The following LTA4H variants were observed in gnomAD, a reference collection of about 807,000 sequenced individuals.
The protein encoded by LTA4H is leukotriene A4 hydrolase, also known as leukotriene A-4 hydrolase.
A neutral mutation model predicts 89.8 loss-of-function variants in LTA4H; 59 were observed. The ratio of observed to expected loss-of-function variants is 0.66; its 90% CI spans 0.53 to 0.82. LTA4H has a LOEUF of 0.82. Among genes scored for constraint, LTA4H ranks in the 40% least tolerant of loss-of-function variants. The pLI is 0.00. For synonymous variants in LTA4H, 227 were observed against 253.1 expected (o/e 0.90, Z 0.98); for missense variants, 617 against 727.0 (o/e 0.85, Z 1.74).
intron 1 of LTA4H, among the ~76,000 whole-genome samples, chr12:96,032,503 A>T (rs575734108): frequency 6.6e-6 from 1 of 152,228 alleles, no homozygotes; most frequent in Non-Finnish European, 1.5e-5. Context: ...GCTGAGATAC[A>T]AAGAGTTATG....
rs754759846 is a variant in LTA4H at position 96,001,061 on chromosome 12, G to C, written c.1764C>G (p.Thr588=). 19 of 1,614,070 alleles carry C rather than the reference G, an allele frequency of 1.2e-5. No individual in the cohort carries two copies. Among genetic ancestry groups the C allele is most frequent in the Non-Finnish European group, 1.5e-5 (18 of 1,180,010 alleles). ...FDKSHDQAVR[T]YQEHKASMHP... ...GCATGCTTGCTTTGTGCTCTTGGTA[G>C]GTTCGGACAGCTTGATCATGGGATT... The change falls in exon 19 of 19, where the codon ACC becomes ACG. Residue 588 remains threonine, a synonymous_variant. Coordinates refer to ENST00000228740, the MANE Select transcript of LTA4H (RefSeq NM_000895.3).
intron 6 of LTA4H, among the ~76,000 whole-genome samples, chr12:96,019,667 C>T (rs1489973594): frequency 6.7e-6 from 1 of 148,396 alleles, no homozygotes; most frequent in East Asian, 2.0e-4. Context: ...TCTTGGCTCA[C>T]TGCAAGCTCC....
Position 96,022,687 on chromosome 12 carries a change from A to C in LTA4H, c.481-436T>G, listed in dbSNP as rs1358856209. Among the ~76,000 whole-genome samples, 2 of 152,130 alleles carry C rather than the reference A, an allele frequency of 1.3e-5. No homozygotes were observed. Among genetic ancestry groups the C allele is most frequent in the African/African-American group, 2.4e-5 (1 of 41,422 alleles). On this transcript the variant is annotated intron_variant, in intron 4 of 18. Transcript: ENST00000228740. This position sits in a 1 kb window ranked among gnomAD's most constrained non-coding sequence, Gnocchi z 4.0. ...CTAACTGCACAAACTTGGGCAAATA[A>C]ATATAACCCCCGAGCCTCAGTTTCC...
At position 96,000,855 on chromosome 12, in the gene LTA4H, T is replaced by G. The variant is rs1336642147; in HGVS notation, c.*134A>C. ...TAAGAAGAAGTAGCTCAACTTTATT[T>G]CAGTAAAATCACCAACAAAACAATA... On this transcript the variant is annotated 3_prime_UTR_variant, in exon 19 of 19. Transcript: ENST00000228740. The G allele has an allele frequency of 6.6e-6, 4 of 602,994 alleles. No individual in the cohort carries two copies. The highest frequency in any genetic ancestry group is 1.2e-5 in the Non-Finnish European group (4 of 338,778). 37.4% of individuals were successfully genotyped at this position (602,994 alleles called of 1,614,324 possible).
At chr12:96,036,498 T>C (rs2136926384), upstream of LTA4H, among the ~76,000 whole-genome samples, 1 of 152,308 alleles carries the variant, frequency 6.6e-6, no homozygotes, top group Middle Eastern at 3.4e-3. Context: ...ATGGTCAGAC[T>C]CATGTTATAA....
intron 1 of LTA4H, chr12:96,043,254 AC>A: frequency 6.9e-7 from 1 of 1,452,988 alleles, no homozygotes; most frequent in Non-Finnish European, 9.3e-7. Flanking sequence ...ACTTGAAAGA[AC>A]CTCACATGCC....
In LTA4H at chr12:96,035,435, C is replaced by CCT; in HGVS notation, c.84_85insAG (p.Asp29ArgfsTer8). 6.2e-7 allele frequency: 1 copy of CCT among 1,610,148 alleles called. No individual in the cohort carries two copies. The highest frequency in any genetic ancestry group is 1.1e-5 in the South Asian group (1 of 90,218). On this transcript the variant is annotated frameshift_variant, in exon 1 of 19. Transcript: ENST00000228740. LOFTEE classifies it high-confidence loss of function. Reference sequence around the variant, plus strand: ...CCGGTCAGCGTCCGGCGAGTAAAGTCGACGCTGCAGCGCAGGTGCAGGTGC... The same window carrying CCT: ...CCGGTCAGCGTCCGGCGAGTAAAGTCCTGACGCTGCAGCGCAGGTGCAGGTGC...
chr12:96,003,542 G>T, intron 17 of LTA4H: 1 of 226,130 alleles, frequency 4.4e-6, no homozygotes, highest in Non-Finnish European at 8.5e-6. Context: ...TTTCAAAGTA[G>T]ATTTAGTTGG....
In LTA4H at chr12:96,022,956, T is replaced by A. The variant is rs999235353; in HGVS notation, c.481-705A>T. ...TTTAAAAGTAGTAACTGTGAAAAACTAAAATTTATTGCTAAAAACTGTCAA... is the reference window on the plus strand; with the variant it reads ...TTTAAAAGTAGTAACTGTGAAAAACAAAAATTTATTGCTAAAAACTGTCAA... On this transcript the variant is annotated intron_variant, in intron 4 of 18. Coordinates refer to ENST00000228740, the MANE Select transcript of LTA4H (RefSeq NM_000895.3). This position sits in a 1 kb window ranked among gnomAD's most constrained non-coding sequence, Gnocchi z 4.0. Among the ~76,000 whole-genome samples the A allele has an allele frequency of 5.9e-5, 9 of 152,230 alleles. No individual in the cohort carries two copies. The highest frequency in any genetic ancestry group is 5.9e-4 in the Admixed American group (9 of 15,288).
intron 1 of LTA4H, among the ~76,000 whole-genome samples, chr12:96,040,813 A>G (rs1431313474): frequency 1.3e-5 from 2 of 152,232 alleles, no homozygotes; most frequent in Admixed American, 6.5e-5. Flanking sequence ...AGGGAACTCA[A>G]TCTTTACTAA....
rs538590801 is a variant in LTA4H at position 96,041,117 on chromosome 12, T to A, written c.87+2172A>T. 7.2e-3 allele frequency among the ~76,000 whole-genome samples: 1,093 copies of A among 152,270 alleles called. 13 individuals are homozygous for A. Among genetic ancestry groups the A allele is most frequent in the African/African-American group, 0.025 (1,040 of 41,562 alleles). ...AAAAGATGAACGTAAGCTTTTTTTT[T>A]AAAGAAAGCTTTGGCAAATTTTTTT... On this transcript the variant is annotated intron_variant, in intron 1 of 17. Transcript: ENST00000413268.
rs182401620 is a variant in LTA4H, at chr12:96,013,974, T to C, written c.1205-121A>G. 5 of 562,714 alleles carry C rather than the reference T, an allele frequency of 8.9e-6. No homozygotes were observed. The Admixed American group carries it at 1.4e-4, about 16-fold the overall frequency. 34.9% of individuals were successfully genotyped at this position (562,714 alleles called of 1,614,324 possible). A position where few individuals can be genotyped will look rare whatever the true frequency, so the allele number is the denominator to read the frequency against. ...AGAGAACATTCAGAGAATAGGGAAATCTACGAGGACTTTCAGAGTGAAAGA... is the reference window on the plus strand; with the variant it reads ...AGAGAACATTCAGAGAATAGGGAAACCTACGAGGACTTTCAGAGTGAAAGA... On this transcript the variant is annotated intron_variant, in intron 12 of 18. Coordinates refer to ENST00000228740, the MANE Select transcript of LTA4H (RefSeq NM_000895.3).
At chr12:96,036,925 C>CGAGCAA (rs1950652727), upstream of LTA4H, among the ~76,000 whole-genome samples, 1 of 152,110 alleles carries the variant, frequency 6.6e-6, no homozygotes, top group African/African-American at 2.4e-5. Context: ...CTACATGGCC[C>CGAGCAA]GAGCAAGAGC....
intron 18 of LTA4H, among the ~76,000 whole-genome samples, chr12:96,001,468 A>G (rs954016353): frequency 1.3e-5 from 2 of 152,182 alleles, no homozygotes; most frequent in African/African-American, 4.8e-5. Flanking sequence ...TTTACCAAGC[A>G]GCATGGAAGG....
rs1465186442 is a variant in LTA4H at position 96,017,713 on chromosome 12, T to C, written c.853-133A>G. 1.3e-5 allele frequency: 7 copies of C among 532,936 alleles called. No homozygotes were observed. The East Asian group carries it at 1.9e-4, about 15-fold the overall frequency. The allele number at this position is 532,936 out of a possible 1,614,324, so 33.0% of individuals were successfully genotyped here. A position where few individuals can be genotyped will look rare whatever the true frequency, so the allele number is the denominator to read the frequency against. Reference sequence around the variant, plus strand: ...TTCTACTACAGCACTTCAAAGAAGGTAAAAGAGACCTTAATTGAAAAAACA... The same window carrying C: ...TTCTACTACAGCACTTCAAAGAAGGCAAAAGAGACCTTAATTGAAAAAACA... On this transcript the variant is annotated intron_variant, in intron 8 of 18. Coordinates refer to ENST00000228740, the MANE Select transcript of LTA4H (RefSeq NM_000895.3).
At chr12:96,040,249 C>T (rs1283654578), upstream of LTA4H, among the ~76,000 whole-genome samples, 1 of 152,172 alleles carries the variant, frequency 6.6e-6, no homozygotes, top group East Asian at 1.9e-4. Context: ...GTACAAAGTC[C>T]TACAAGTTAA....
chr12:96,014,736 A>G (rs909505420), intron 12 of LTA4H, 119 bp downstream of exon 12: 6 of 906,734 alleles, frequency 6.6e-6, no homozygotes, highest in East Asian at 5.2e-5. Flanking sequence ...TTTCTTCAGC[A>G]GCTACATCCA....
At chr12:96,011,562 GT>G (rs1431658606) in intron 14 of LTA4H, 2 of 151,990 alleles carry the variant, frequency 1.3e-5, no homozygotes, top group African/African-American at 2.4e-5. Context: ...AAAATTAATA[GT>G]TTCCTCACCC....
chr12:96,032,951 A>C (rs1161939325), intron 1 of LTA4H, among the ~76,000 whole-genome samples: 1 of 152,114 alleles, frequency 6.6e-6, no homozygotes, highest in East Asian at 1.9e-4. Flanking sequence ...GGCTTACTGG[A>C]GGGTGGAGGG....
Sources: gnomAD v4.1 joint callset for allele counts (sites outside exome capture counted in the v4.1 genomes callset) on GRCh38, gnomAD v4.1.1 for gene constraint, Gnocchi (gnomAD v3.1) non-coding constraint, MANE v1.5 for transcripts, NCBI Gene and HGNC (gene_info 2026-07-23, HGNC 2026-07-21) for gene names.